The following CHD5 variants were observed in gnomAD, a reference collection of about 807,000 sequenced individuals.
CHD5 encodes the protein chromodomain helicase DNA binding protein 5.
In CHD5, 69 loss-of-function variants were observed where a neutral mutation model predicts 230.3. The observed-to-expected ratio is 0.30, with a 90% CI of 0.25 to 0.37. The LOEUF (loss-of-function observed/expected upper bound fraction) is 0.37, where lower values mean the gene tolerates loss of function less well. Ranked by LOEUF, CHD5 falls within the 10% of genes least tolerant of loss-of-function variation. The pLI is 1.00. For missense variants in CHD5, 1,827 were observed against 2,622.8 expected, an observed-to-expected ratio of 0.70 and a Z score of 6.63; for synonymous variants, 1,064 against 1,065.9, an observed-to-expected ratio of 1.00 and a Z score of 0.03.
At position 6,106,494 on chromosome 1, in the gene CHD5, A is replaced by G. The variant is rs1284687290; in HGVS notation, c.5758T>C (p.Ser1920Pro). The change falls in exon 40 of 42, where the codon TCC becomes CCC. Residue 1920 changes from serine to proline, a missense_variant. Ser to Pro is a moderately conservative substitution (Grantham distance 74, BLOSUM62 -1). Around this residue, in one of 14 missense-constraint regions of CHD5, gnomAD observed 208 missense variants for 302.0 expected, o/e 0.69. Coordinates refer to ENST00000262450, the MANE Select transcript of CHD5 (RefSeq NM_015557.3). ...PTIQQGAFGS[S>P]QMYSNNFGPN... Reference sequence around the variant, plus strand: ...CCAAAGTTGTTGCTGTACATCTGGGAGGAGCCGAAAGCGCCCTGGAGGCAA... The same window carrying G: ...CCAAAGTTGTTGCTGTACATCTGGGGGGAGCCGAAAGCGCCCTGGAGGCAA... 5.8e-6 allele frequency: 9 copies of G among 1,552,710 alleles called. No homozygotes were observed. The highest frequency in any genetic ancestry group is 7.8e-6 in the Non-Finnish European group (9 of 1,148,288).
rs1225701396 is a variant in CHD5, at chr1:6,125,163, T to G, written c.4331A>C (p.Gln1444Pro). 1 of 1,606,286 alleles carries G rather than the reference T, an allele frequency of 6.2e-7. No individual in the cohort carries two copies. The highest frequency in any genetic ancestry group is 2.2e-5 in the East Asian group (1 of 44,752). Residue 1444 changes from glutamine to proline, a missense_variant, in exon 29 of 42, where the codon CAG (glutamine) becomes CCG (proline). Transcript: ENST00000262450. The surrounding 1 kb of genome is among the most constrained non-coding windows in gnomAD (Gnocchi z 6.7). ...CAGCCAGTGGGAGTTGAAGGCGTCCTGCGGGGGCATGCCCCAGCGCATGAT... is the reference window on the plus strand; with the variant it reads ...CAGCCAGTGGGAGTTGAAGGCGTCCGGCGGGGGCATGCCCCAGCGCATGAT... Reference protein sequence around the residue: ...NAIMRWGMPPQDAFNSHWLVR... With the variant: ...NAIMRWGMPPPDAFNSHWLVR...
Position 6,149,257 on chromosome 1 carries a change from A to C in CHD5, c.1150T>G (p.Cys384Gly), listed in dbSNP as rs774278917. 1.2e-6 allele frequency: 2 copies of C among 1,606,260 alleles called. No individual in the cohort carries two copies. Among genetic ancestry groups the C allele is most frequent in the Non-Finnish European group, 1.7e-6 (2 of 1,175,850 alleles). The change falls in exon 8 of 42, where the codon TGC becomes GGC. Residue 384 changes from cysteine to glycine, a missense_variant. Physicochemically the swap from Cys to Gly is radical, Grantham distance 159 (BLOSUM62 -3). Transcript: ENST00000262450. ...CTGCCAAGGCTTACACAGTGGGGGCAGCTCCACTTGCCCTCGGGAGCCTTC... is the reference window on the plus strand; with the variant it reads ...CTGCCAAGGCTTACACAGTGGGGGCCGCTCCACTTGCCCTCGGGAGCCTTC... ...LEKAPEGKWS[C>G]PHCEKEGIQW...
rs977832034 is a variant in CHD5, at chr1:6,146,964, C to A, written c.1384-93G>T. 3.1e-6 allele frequency: 3 copies of A among 958,796 alleles called. No individual in the cohort carries two copies. Among genetic ancestry groups the A allele is most frequent in the Non-Finnish European group, 4.5e-6 (3 of 661,934 alleles). The allele number at this position is 958,796 out of a possible 1,614,324, so 59.4% of individuals were successfully genotyped here. On this transcript the variant is annotated intron_variant, in intron 9 of 41. Transcript: ENST00000262450. This position sits in a 1 kb window ranked among gnomAD's most constrained non-coding sequence, Gnocchi z 5.1. ...AGCAGGCTGCCATGCAGGCTCCCTCCCATCAGTGCCACTGCCCCCAAGTCA... is the reference window on the plus strand; with the variant it reads ...AGCAGGCTGCCATGCAGGCTCCCTCACATCAGTGCCACTGCCCCCAAGTCA...
At position 6,154,992 on chromosome 1, in the gene CHD5, C is replaced by A; in HGVS notation, c.507-94G>T. On this transcript the variant is annotated intron_variant, in intron 4 of 41. Coordinates refer to ENST00000262450, the MANE Select transcript of CHD5 (RefSeq NM_015557.3). The surrounding 1 kb of genome is among the most constrained non-coding windows in gnomAD (Gnocchi z 7.0). ...AGGGCCCACCCCTCTGCCACATGTG[C>A]GATCTATGGCAGCAGCCCCAGGTTC... The A allele has an allele frequency of 1.8e-6, 2 of 1,085,046 alleles. No individual in the cohort carries two copies. Among genetic ancestry groups the A allele is most frequent in the Non-Finnish European group, 2.7e-6 (2 of 747,094 alleles). 67.2% of individuals were successfully genotyped at this position (1,085,046 alleles called of 1,614,324 possible).
chr1:6,164,044 C>T (rs981123963), intron 2 of CHD5, among the ~76,000 whole-genome samples: 11 of 152,198 alleles, frequency 7.2e-5, no homozygotes, highest in Non-Finnish European at 1.3e-4. Context: ...CTGCTCTGAG[C>T]CCCCACCCTG....
chr1:6,125,209 G>A lies in CHD5; in HGVS notation c.4285C>T (p.Arg1429Trp). 1.2e-6 allele frequency: 2 copies of A among 1,605,382 alleles called. No homozygotes were observed. The highest frequency in any genetic ancestry group is 1.7e-6 in the Non-Finnish European group (2 of 1,178,572). The change falls in exon 29 of 42, where the codon CGG becomes TGG. Residue 1429 changes from arginine (R) to tryptophan (W), a missense_variant. Around this residue, in one of 14 missense-constraint regions of CHD5, gnomAD observed 137 missense variants for 272.7 expected, o/e 0.50. Coordinates refer to ENST00000262450, the MANE Select transcript of CHD5 (RefSeq NM_015557.3). The surrounding 1 kb of genome is among the most constrained non-coding windows in gnomAD (Gnocchi z 6.7). ...IEVLGFNARQ[R>W]KAFLNAIMRW... ...ATGATGGCGTTCAGAAAGGCCTTCC[G>A]CTGTCGGGCATTGAAGCCCAGCACC...
intron 34 of CHD5, among the ~76,000 whole-genome samples, chr1:6,112,579 G>C (rs886261768): frequency 7.2e-5 from 11 of 152,222 alleles, no homozygotes; most frequent in African/African-American, 2.4e-4. Context: ...TGAGGGGGCT[G>C]ATCTGAGGAC....
At chr1:6,150,785 G>T (rs561093542) in intron 7 of CHD5, among the ~76,000 whole-genome samples, 1 of 152,262 alleles carries the variant, frequency 6.6e-6, no homozygotes, top group Admixed American at 6.5e-5. Context: ...TCCCACCATA[G>T]GTTCCTTGTT....
chr1:6,179,820 C>T (rs2100894113), intron 1 of CHD5, 125 bp downstream of exon 1: 1 of 278,480 alleles, frequency 3.6e-6, no homozygotes, highest in Non-Finnish European at 5.4e-6. Flanking sequence ...CCCCGCAACC[C>T]GGGTGCCCCT....
At position 6,136,566 on chromosome 1, in the gene CHD5, G is replaced by A; in HGVS notation, c.2647C>T (p.Leu883=). The A allele has an allele frequency of 6.2e-7, 1 of 1,614,182 alleles. No individual in the cohort carries two copies. Among genetic ancestry groups the A allele is most frequent in the Non-Finnish European group, 8.5e-7 (1 of 1,180,040 alleles). The change falls in exon 17 of 42, where the codon CTG becomes TTG. Residue 883 remains leucine, a synonymous_variant. Transcript: ENST00000262450. ...TTGAGGAGATGGAACAGCTCCTCCA[G>A]GTTGTTCTGAAGGGGGGTCCCTGTC... ...LLTGTPLQNN[L]EELFHLLNFL... is the part of the protein sequence containing the mutation.
In CHD5 at chr1:6,121,674, G is replaced by T; in HGVS notation, c.4700-101C>A. On this transcript the variant is annotated intron_variant, in intron 31 of 41. Transcript: ENST00000262450. The surrounding 1 kb of genome is among the most constrained non-coding windows in gnomAD (Gnocchi z 4.5). ...GAGGAGAGATGGGGGCTTGGCCTTC[G>T]GGAGGCTCCACTGCAGCCAAGCACC... 1.3e-6 allele frequency: 1 copy of T among 780,816 alleles called. No homozygotes were observed. Among genetic ancestry groups the T allele is most frequent in the East Asian group, 2.7e-5 (1 of 37,234 alleles). The allele number at this position is 780,816 out of a possible 1,614,324, so 48.4% of individuals were successfully genotyped here.
rs903564985 is a variant in CHD5, at chr1:6,152,447, C to T, written c.835G>A (p.Gly279Arg). 16 of 1,614,150 alleles carry T rather than the reference C, an allele frequency of 9.9e-6. No homozygotes were observed. Among genetic ancestry groups the T allele is most frequent in the Admixed American group, 3.3e-5 (2 of 60,024 alleles). ...KKTAGLKFRF[G>R]GISNKRKKGS... ...TTCTTCCTCTTGTTGCTGATCCCCC[C>T]GAAGCGGAACTTGAGCCCGGCCGTC... Residue 279 changes from glycine (G) to arginine (R), a missense_variant, in exon 6 of 42, where the codon GGG (glycine) becomes AGG (arginine). By Grantham distance (125) the Gly-to-Arg change is moderately radical. Coordinates refer to ENST00000262450, the MANE Select transcript of CHD5 (RefSeq NM_015557.3).
intron 33 of CHD5, among the ~76,000 whole-genome samples, chr1:6,119,778 T>C (rs530592653): frequency 8.6e-5 from 13 of 150,612 alleles, no homozygotes; most frequent in African/African-American, 2.0e-4. Flanking sequence ...TACGTACATA[T>C]GTGCGTATAT....
At chr1:6,145,826 G>A (rs1328879859) in intron 11 of CHD5, among the ~76,000 whole-genome samples, 1 of 152,202 alleles carries the variant, frequency 6.6e-6, no homozygotes, top group African/African-American at 2.4e-5. Flanking sequence ...TCCCAGGGTA[G>A]GCAGTGCTCA....
Position 6,124,667 on chromosome 1 carries a change from GTGGGGGGGGGGGAC to G in CHD5, c.4395-20_4395-7del. 7.1e-7 allele frequency: 1 copy of G among 1,413,514 alleles called. No individual in the cohort carries two copies. The highest frequency in any genetic ancestry group is 9.6e-7 in the Non-Finnish European group (1 of 1,037,778). The allele number at this position is 1,413,514 out of a possible 1,614,324, so 87.6% of individuals were successfully genotyped here. On this transcript the variant is annotated splice_region_variant and splice_polypyrimidine_tract_variant and intron_variant, in intron 29 of 41. Transcript: ENST00000262450. Reference sequence around the variant, plus strand: ...TGAAGAGGGACACATAGGCTCTGGGGTGGGGGGGGGGGACTGGGGCTCAGGGAGTGGGGGGCCGG... The same window carrying G: ...TGAAGAGGGACACATAGGCTCTGGGGTGGGGCTCAGGGAGTGGGGGGCCGG...
Position 6,121,891 on chromosome 1 carries a change from C to T in CHD5, c.4700-318G>A, listed in dbSNP as rs573794913. On this transcript the variant is annotated intron_variant, in intron 31 of 41. Coordinates refer to ENST00000262450, the MANE Select transcript of CHD5 (RefSeq NM_015557.3). This position sits in a 1 kb window ranked among gnomAD's most constrained non-coding sequence, Gnocchi z 4.5. ...AGATGGAGGCCCAGATTGGGAGCCA[C>T]GACACCCGCTCTGGTCCCAGCTTTC... is the stretch of plus-strand genomic sequence containing the variant. 1.3e-5 allele frequency among the ~76,000 whole-genome samples: 2 copies of T among 152,318 alleles called. No individual in the cohort carries two copies. Among genetic ancestry groups the T allele is most frequent in the Admixed American group, 6.5e-5 (1 of 15,304 alleles).
In CHD5 at chr1:6,128,420, C is replaced by A; in HGVS notation, c.3730+79G>T. 1 of 1,278,694 alleles carries A rather than the reference C, an allele frequency of 7.8e-7. No individual in the cohort carries two copies. Among genetic ancestry groups the A allele is most frequent in the Non-Finnish European group, 1.1e-6 (1 of 891,768 alleles). 79.2% of individuals were successfully genotyped at this position (1,278,694 alleles called of 1,614,324 possible). ...CAGTCCCAGGACGCCCAAGTGAGGGCAGGTCAGGGAACCCCTCCTCTGCAG... is the reference window on the plus strand; with the variant it reads ...CAGTCCCAGGACGCCCAAGTGAGGGAAGGTCAGGGAACCCCTCCTCTGCAG... On this transcript the variant is annotated intron_variant, in intron 24 of 41. Coordinates refer to ENST00000262450, the MANE Select transcript of CHD5 (RefSeq NM_015557.3). This position sits in a 1 kb window ranked among gnomAD's most constrained non-coding sequence, Gnocchi z 7.8.
intron 6 of CHD5, 102 bp from the exon 7 acceptor site, chr1:6,151,257 G>A: frequency 7.5e-7 from 1 of 1,328,276 alleles, no homozygotes; most frequent in African/African-American, 1.5e-5. Context: ...AGGCTCTGGA[G>A]ACACAGTGCT....
At position 6,105,526 on chromosome 1, in the gene CHD5, CAACT is replaced by C; in HGVS notation, c.*47-103_*47-100del. 2.6e-6 allele frequency: 1 copy of C among 378,768 alleles called. No homozygotes were observed. Among genetic ancestry groups the C allele is most frequent in the Non-Finnish European group, 5.4e-6 (1 of 184,150 alleles). The allele number at this position is 378,768 out of a possible 1,614,324, so 23.5% of individuals were successfully genotyped here. A position where few individuals can be genotyped will look rare whatever the true frequency, so the allele number is the denominator to read the frequency against. Reference sequence around the variant, plus strand: ...TAGCTGCTTCTCCACCTATCACAACCAACTATGATCGGGGTGCCCCCCAGCCATG... The same window carrying C: ...TAGCTGCTTCTCCACCTATCACAACCATGATCGGGGTGCCCCCCAGCCATG... On this transcript the variant is annotated intron_variant, in intron 41 of 41. Coordinates refer to ENST00000262450, the MANE Select transcript of CHD5 (RefSeq NM_015557.3). This position sits in a 1 kb window ranked among gnomAD's most constrained non-coding sequence, Gnocchi z 4.8.
Sources: allele counts gnomAD v4.1 joint callset (sites outside exome capture counted in the v4.1 genomes callset), GRCh38; gene constraint gnomAD v4.1.1; regional missense constraint gnomAD v4.1.1; non-coding constraint Gnocchi (gnomAD v3.1); transcripts MANE v1.5; gene names NCBI Gene and HGNC (gene_info 2026-07-23, HGNC 2026-07-21).